The following ZNF638 variants were observed in gnomAD, a reference collection of about 807,000 sequenced individuals.
ZNF638 encodes CTCL tumor antigen se33-1.
In ZNF638, 46 loss-of-function variants were observed where a neutral mutation model predicts 195.6. The ratio of observed to expected loss-of-function variants is 0.24; its 90% CI spans 0.19 to 0.30. The LOEUF (loss-of-function observed/expected upper bound fraction) is 0.30. ZNF638 is among the 10% of genes least tolerant of loss of function. ZNF638 has a pLI of 1.00. For missense variants in ZNF638, 2,440 were observed against 2,325.3 expected (o/e 1.05, Z -1.01); for synonymous variants, 845 against 772.0 (o/e 1.09, Z -1.57).
chr2:71,416,956 T>C (rs907561265), intron 20 of ZNF638, among the ~76,000 whole-genome samples: 2 of 151,036 alleles, frequency 1.3e-5, no homozygotes, highest in African/African-American at 4.9e-5. Context: ...CCCCCAGAGG[T>C]GGAGCCTACA....
rs770902239 is a variant in ZNF638 at position 71,431,314 on chromosome 2, C to G, written c.5651-13C>G. 2 of 1,599,572 alleles carry G rather than the reference C, an allele frequency of 1.3e-6. No homozygotes were observed. The highest frequency in any genetic ancestry group is 1.7e-6 in the Non-Finnish European group (2 of 1,172,266). On this transcript the variant is annotated splice_polypyrimidine_tract_variant and intron_variant, in intron 25 of 27. Transcript: ENST00000264447. ...TCTATTCTGAATAGCTTTTTTTCCTCGAAAAATTTTAGTTGATGAGGAATC... is the reference window on the plus strand; with the variant it reads ...TCTATTCTGAATAGCTTTTTTTCCTGGAAAAATTTTAGTTGATGAGGAATC...
intron 10 of ZNF638, chr2:71,388,617 G>C (rs532587187): frequency 2.5e-6 from 2 of 803,972 alleles, no homozygotes; most frequent in East Asian, 2.4e-5. Flanking sequence ...TCCGTCGCTC[G>C]GCCAGAGTCG....
chr2:71,363,995 G>A lies in ZNF638; in HGVS notation c.1460G>A (p.Arg487His), dbSNP rs201723803. 1.3e-5 allele frequency: 21 copies of A among 1,614,068 alleles called. No homozygotes were observed. Among genetic ancestry groups the A allele is most frequent in the African/African-American group, 2.7e-5 (2 of 75,040 alleles). Residue 487 changes from arginine to histidine, a missense_variant, in exon 5 of 28, where the codon CGT (arginine) becomes CAT (histidine). Coordinates refer to ENST00000264447, the MANE Select transcript of ZNF638 (RefSeq NM_014497.5). ...AAAGAAAATGAAACTCCACGAAGAC[G>A]TTCTCATTCCCCCAGTCCTAGGCGT... ...NRKENETPRR[R>H]SHSPSPRRSR...
At chr2:71,395,049 G>A (rs924078416) in intron 10 of ZNF638, among the ~76,000 whole-genome samples, 3 of 152,148 alleles carry the variant, frequency 2.0e-5, no homozygotes, top group African/African-American at 7.2e-5. Context: ...GACCTTACAT[G>A]ATAATTTAAC....
chr2:71,332,455 G>A (rs2078589394), intron 1 of ZNF638, among the ~76,000 whole-genome samples: 1 of 152,230 alleles, frequency 6.6e-6, no homozygotes, highest in African/African-American at 2.4e-5. Flanking sequence ...TTAGGATCCA[G>A]CGGCTTTTCC....
At chr2:71,363,297 C>T in intron 4 of ZNF638, 106 bp downstream of exon 4, 2 of 862,496 alleles carry the variant, frequency 2.3e-6, no homozygotes, top group Non-Finnish European at 3.5e-6. Context: ...GCCATTTAAA[C>T]AACAGGCAAA....
rs752414160 is a variant in ZNF638 at position 71,426,685 on chromosome 2, G to A, written c.4816G>A (p.Glu1606Lys). 7 of 1,614,090 alleles carry A rather than the reference G, an allele frequency of 4.3e-6. No individual in the cohort carries two copies. The highest frequency in any genetic ancestry group is 5.9e-6 in the Non-Finnish European group (7 of 1,180,038). The change falls in exon 24 of 28, where the codon GAA becomes AAA. Residue 1606 changes from glutamate to lysine, a missense_variant. Coordinates refer to ENST00000264447, the MANE Select transcript of ZNF638 (RefSeq NM_014497.5). ...TTTTGTGACATTGGATGAGATTGGG[G>A]AAGAGGAAGATGCAGCTGCACATCT... is the stretch of plus-strand genomic sequence containing the variant. Reference protein sequence around the residue: ...LSFVTLDEIGEEEDAAAHLAQ... With the variant: ...LSFVTLDEIGKEEDAAAHLAQ...
intron 10 of ZNF638, 156 bp from the exon 11 acceptor site, chr2:71,395,985 G>T: frequency 1.5e-6 from 1 of 670,346 alleles, no homozygotes; most frequent in South Asian, 1.7e-5. Flanking sequence ...CCATATCTAA[G>T]AATTTGCCCC....
chr2:71,347,341 A>C (rs144109939), intron 1 of ZNF638, among the ~76,000 whole-genome samples: 13 of 152,342 alleles, frequency 8.5e-5, no homozygotes, highest in African/African-American at 3.1e-4. Context: ...TCCTTTTGCA[A>C]AGGTTAAATG....
intron 8 of ZNF638, chr2:71,379,657 C>T (rs2079498214): frequency 1.3e-5 from 2 of 152,132 alleles, no homozygotes; most frequent in African/African-American, 4.8e-5. Flanking sequence ...AAATTGTATG[C>T]TGAAGTCGCT....
intron 8 of ZNF638, chr2:71,374,724 C>G (rs1334023495): frequency 1.3e-5 from 2 of 152,148 alleles, no homozygotes; most frequent in Non-Finnish European, 2.9e-5. Context: ...TTGAGACCAG[C>G]GTGGGGCAAT....
At chr2:71,396,081 A>C in intron 10 of ZNF638, 60 bp from the exon 11 acceptor site, 1 of 1,497,890 alleles carries the variant, frequency 6.7e-7, no homozygotes, top group South Asian at 1.2e-5. Context: ...TTGACTTTTA[A>C]CTAAATCCAA....
chr2:71,403,848 A>G, intron 16 of ZNF638, 22 bp from the exon 17 acceptor site: 2 of 1,483,408 alleles, frequency 1.3e-6, no homozygotes, highest in Non-Finnish European at 1.8e-6. Context: ...TTTTCTTGTT[A>G]CCTTAATTTC....
intron 14 of ZNF638, 95 bp from the exon 15 acceptor site, chr2:71,400,383 C>T (rs1282826884): frequency 7.2e-6 from 9 of 1,251,344 alleles, no homozygotes; most frequent in Non-Finnish European, 9.0e-6. Context: ...TGTTGTATTA[C>T]ACGTTTTCAT....
chr2:71,369,399 G>A (rs2079267720), intron 7 of ZNF638, among the ~76,000 whole-genome samples: 1 of 152,108 alleles, frequency 6.6e-6, no homozygotes, highest in African/African-American at 2.4e-5. Context: ...AGTACTTTGG[G>A]AGGCCAAGGC....
At position 71,363,897 on chromosome 2, in the gene ZNF638, T is replaced by C. The variant is rs143863220; in HGVS notation, c.1419-57T>C. On this transcript the variant is annotated intron_variant, in intron 4 of 27. Transcript: ENST00000264447. Reference sequence around the variant, plus strand: ...AACAAGGTACTTCTGTCATTTATTATCATTTAAATTTACATTAAATTGCTG... The same window carrying C: ...AACAAGGTACTTCTGTCATTTATTACCATTTAAATTTACATTAAATTGCTG... 201 of 1,535,554 alleles carry C rather than the reference T, an allele frequency of 1.3e-4. 2 individuals carry two copies. The African/African-American group carries it at 2.5e-3, about 19-fold the overall frequency.
chr2:71,355,833 T>C, intron 3 of ZNF638, 53 bp downstream of exon 3: 2 of 1,070,294 alleles, frequency 1.9e-6, no homozygotes, highest in Non-Finnish European at 2.7e-6. Flanking sequence ...AAATAGTTAA[T>C]GTTCAGATGT....
In ZNF638 at chr2:71,349,718, C is replaced by G. The variant is rs766614527; in HGVS notation, c.764C>G (p.Pro255Arg). Reference sequence around the variant, plus strand: ...AACATTTCTGCATCTGTTCCCAATCCAAATGTGATATGTAATTCTATGTTT... The same window carrying G: ...AACATTTCTGCATCTGTTCCCAATCGAAATGTGATATGTAATTCTATGTTT... Reference protein sequence around the residue: ...QQNISASVPNPNVICNSMFPV... With the variant: ...QQNISASVPNRNVICNSMFPV... Residue 255 changes from proline to arginine, a missense_variant, in exon 2 of 28, where the codon CCA becomes CGA. Transcript: ENST00000264447. The G allele has an allele frequency of 6.2e-7, 1 of 1,614,174 alleles. No individual in the cohort carries two copies. The highest frequency in any genetic ancestry group is 8.5e-7 in the Non-Finnish European group (1 of 1,180,032).
chr2:71,339,426 C>T (rs1452626026), intron 1 of ZNF638, among the ~76,000 whole-genome samples: 1 of 152,222 alleles, frequency 6.6e-6, no homozygotes, highest in Admixed American at 6.5e-5. Flanking sequence ...GCTGGGATTA[C>T]AGGCATGAGC....
Sources: gnomAD v4.1 joint callset for allele counts (sites outside exome capture counted in the v4.1 genomes callset) on GRCh38, gnomAD v4.1.1 for gene constraint, MANE v1.5 for transcripts, NCBI Gene and HGNC (gene_info 2026-07-23, HGNC 2026-07-21) for gene names.